The following CHLSN variants were observed in gnomAD, a reference collection of about 807,000 sequenced individuals.
CHLSN encodes the protein protein cholesin.
chr7:1,028,080 C>A, the CHLSN span, among the ~76,000 whole-genome samples: 1 of 151,826 alleles, frequency 6.6e-6, no homozygotes, highest in Non-Finnish European at 1.5e-5. Flanking sequence ...AGCGGAGCCC[C>A]GAGAAGCGCG....
At chr7:1,002,674 AGT>A in the CHLSN span, among the ~76,000 whole-genome samples, 1 of 44,578 alleles carries the variant, frequency 2.2e-5, no homozygotes, top group African/African-American at 1.0e-4. Context: ...CCTGCGGGTG[AGT>A]GGAGTCCTGC....
chr7:984,588 C>T, the CHLSN span: 2,968 of 1,556,418 alleles, frequency 1.9e-3, 36 homozygotes, highest in African/African-American at 0.032. Context: ...GGTGTGTGGC[C>T]GGCGCTACGG....
the CHLSN span, among the ~76,000 whole-genome samples, chr7:988,001 T>TGGGGGGGTCCCCTCTGTGTCCTG: frequency 8.4e-4 from 46 of 54,938 alleles, no homozygotes; most frequent in African/African-American, 5.2e-3. Context: ...CTGTGTGTCC[T>TGGGGGGGTCCCCTCTGTGTCCTG]GGGGGGTCCC....
chr7:1,070,886 A>G, the CHLSN span, among the ~76,000 whole-genome samples: 16 of 140,346 alleles, frequency 1.1e-4, no homozygotes, highest in African/African-American at 4.1e-4. Context: ...GTGCACATGC[A>G]CACACGTGCA....
chr7:1,086,182 G>A, the CHLSN span, among the ~76,000 whole-genome samples: 1 of 152,256 alleles, frequency 6.6e-6, no homozygotes, highest in African/African-American at 2.4e-5. Flanking sequence ...TTCCTCAGCC[G>A]CTGGGATGGG....
chr7:1,000,599 C>G, the CHLSN span: 1 of 1,482,264 alleles, frequency 6.7e-7, no homozygotes, highest in Middle Eastern at 1.7e-4. Context: ...AAAAGACTCC[C>G]GGGCAGCTGT....
At chr7:1,075,892 G>C in the CHLSN span, 2 of 151,704 alleles carry the variant, frequency 1.3e-5, no homozygotes, top group Admixed American at 1.3e-4. Context: ...GAGCCAGCGC[G>C]CCCAGCCCGG....
the CHLSN span, chr7:1,028,201 G>C: frequency 3.0e-6 from 3 of 1,004,696 alleles, no homozygotes; most frequent in East Asian, 3.3e-4. Flanking sequence ...GCTGGGGCAG[G>C]GCCCCTCCCA....
chr7:1,058,173 C>G, the CHLSN span: 1 of 740,080 alleles, frequency 1.4e-6, no homozygotes, highest in Non-Finnish European at 2.5e-6. Context: ...GGACACGCCC[C>G]TGGACCGGGA....
chr7:1,097,884 G>A, the CHLSN span, among the ~76,000 whole-genome samples: 2 of 152,138 alleles, frequency 1.3e-5, no homozygotes, highest in Non-Finnish European at 1.5e-5. This position sits in a 1 kb window ranked among gnomAD's most constrained non-coding sequence, Gnocchi z 4.3. Flanking sequence ...GGGAGGACGG[G>A]GAACCAGGAT....
chr7:998,524 G>A, the CHLSN span, among the ~76,000 whole-genome samples: 1,779 of 136,736 alleles, frequency 0.013, 35 homozygotes, highest in African/African-American at 0.041. Context: ...GCAGTGGCAC[G>A]ATCTCCACCT....
chr7:1,029,309 G>A, the CHLSN span, among the ~76,000 whole-genome samples: 2 of 152,140 alleles, frequency 1.3e-5, no homozygotes, highest in Non-Finnish European at 2.9e-5. Context: ...TAAATTTTTT[G>A]TAGAGACAGG....
chr7:1,016,994 G>C, the CHLSN span, among the ~76,000 whole-genome samples: 1 of 97,858 alleles, frequency 1.0e-5, no homozygotes. Flanking sequence ...GCACAGCAGC[G>C]CACAGGAGCA....
chr7:987,100 T>C, the CHLSN span: 4 of 1,530,266 alleles, frequency 2.6e-6, no homozygotes, highest in East Asian at 7.1e-5. Context: ...GCCCCACGCC[T>C]CTGCAGGGGG....
At chr7:1,016,974 ACACACCAGC>A in the CHLSN span, among the ~76,000 whole-genome samples, 188 of 129,836 alleles carry the variant, frequency 1.4e-3, 11 homozygotes, top group African/African-American at 5.0e-3. Flanking sequence ...ACACGCCAGC[ACACACCAGC>A]GCACAGCAGC....
chr7:1,025,978 G>A, the CHLSN span: 2 of 152,268 alleles, frequency 1.3e-5, no homozygotes, highest in Admixed American at 6.5e-5. Flanking sequence ...CTGCAGTGGA[G>A]GGAAGAGTGA....
the CHLSN span, among the ~76,000 whole-genome samples, chr7:1,044,414 A>G: frequency 1.5e-4 from 23 of 151,844 alleles, no homozygotes; most frequent in Non-Finnish European, 3.4e-4. Context: ...CCGCCCCCCA[A>G]CCTCACTGGT....
the CHLSN span, among the ~76,000 whole-genome samples, chr7:1,061,101 C>T: frequency 6.6e-6 from 1 of 152,184 alleles, no homozygotes; most frequent in African/African-American, 2.4e-5. Flanking sequence ...TGCCTCTGCC[C>T]GGGAATTACA....
At chr7:1,128,043 C>CCT in the CHLSN span, among the ~76,000 whole-genome samples, 1 of 24,782 alleles carries the variant, frequency 4.0e-5, no homozygotes. Flanking sequence ...CTCATCCCAC[C>CCT]GTCACCCGGG....
Sources: gnomAD v4.1 joint callset for allele counts (sites outside exome capture counted in the v4.1 genomes callset) on GRCh38, gnomAD v4.1.1 for gene constraint, Gnocchi (gnomAD v3.1) non-coding constraint, MANE v1.5 for transcripts, NCBI Gene and HGNC (gene_info 2026-07-23, HGNC 2026-07-21) for gene names.